Variants in PREX1 observed in about 807,000 individuals in gnomAD.
PREX1 encodes the protein phosphatidylinositol 3,4,5-trisphosphate-dependent Rac exchanger 1 protein.
In PREX1, 41 loss-of-function variants were observed where a neutral mutation model predicts 198.3. That is an observed-to-expected ratio of 0.21 (90% CI 0.16 to 0.27). The LOEUF is 0.27. Ranked by LOEUF, PREX1 falls within the 10% of genes least tolerant of loss-of-function variation. The pLI, the probability that PREX1 is intolerant of heterozygous loss-of-function variation, is 1.00. For synonymous variants in PREX1, 843 were observed against 887.2 expected, an observed-to-expected ratio of 0.95 and a Z score of 0.89; for missense variants, 1,620 against 2,200.7, an observed-to-expected ratio of 0.74 and a Z score of 5.28.
the PREX1 span, among the ~76,000 whole-genome samples, chr20:48,869,322 G>A: frequency 1.7e-4 from 25 of 145,836 alleles, no homozygotes; most frequent in Non-Finnish European, 2.7e-4. Flanking sequence ...TTTTTTAGAC[G>A]GGGTCTCACT....
intron 25 of PREX1, among the ~76,000 whole-genome samples, chr20:48,647,244 T>C (rs2089458345): frequency 6.6e-6 from 1 of 152,020 alleles, no homozygotes; most frequent in African/African-American, 2.4e-5. Flanking sequence ...GTGTCTCTGC[T>C]AGGCGTGGTG....
chr20:48,746,005 A>T (rs546536065), intron 2 of PREX1, among the ~76,000 whole-genome samples: 33 of 152,230 alleles, frequency 2.2e-4, no homozygotes, highest in Middle Eastern at 3.4e-3. Context: ...TGTATTTTTT[A>T]AATTATTATT....
chr20:48,748,822 GTGT>G (rs1448888534), intron 1 of PREX1, among the ~76,000 whole-genome samples: 1 of 152,224 alleles, frequency 6.6e-6, no homozygotes. Context: ...TCGGATTTGG[GTGT>G]TGTTGTGGTT....
Position 48,659,262 on chromosome 20 carries a change from A to G in PREX1, c.1881+657T>C, listed in dbSNP as rs73142202. Among the ~76,000 whole-genome samples, 871 of 134,340 alleles carry G rather than the reference A, an allele frequency of 6.5e-3. 14 individuals carry two copies. Among genetic ancestry groups the G allele is most frequent in the Middle Eastern group, 0.029 (7 of 244 alleles). The allele number at this position is 134,340 out of a possible 152,430, so 88.1% of individuals were successfully genotyped here. A position where few individuals can be genotyped will look rare whatever the true frequency, so the allele number is the denominator to read the frequency against. On this transcript the variant is annotated intron_variant, in intron 16 of 39. Transcript: ENST00000371941. ...GAAGGAAGGAAGGAAGGAAGGAAGG[A>G]CGGGCACGAGAGAGAGAGAGAAAGA...
At chr20:48,812,653 C>T (rs1395199861) in intron 1 of PREX1, among the ~76,000 whole-genome samples, 1 of 152,106 alleles carries the variant, frequency 6.6e-6, no homozygotes, top group East Asian at 1.9e-4. Context: ...CCTAATTCAC[C>T]TAATTCCCCC....
intron 1 of PREX1, among the ~76,000 whole-genome samples, chr20:48,761,980 C>A (rs898618256): frequency 5.9e-5 from 9 of 152,192 alleles, no homozygotes; most frequent in Non-Finnish European, 1.2e-4. Context: ...TCACCTTCAC[C>A]CAGGACAAGT....
intron 19 of PREX1, among the ~76,000 whole-genome samples, chr20:48,655,012 G>A (rs55968855): frequency 0.17 from 25,257 of 152,182 alleles, 2,323 homozygotes; most frequent in Middle Eastern, 0.3. Flanking sequence ...CTCCAGCTGA[G>A]GAGCCACTGC....
intron 1 of PREX1, among the ~76,000 whole-genome samples, chr20:48,775,375 A>G (rs1332535376): frequency 6.6e-6 from 1 of 152,052 alleles, no homozygotes; most frequent in Non-Finnish European, 1.5e-5. Context: ...AGCCTCCCTG[A>G]TAAGAACACG....
intron 4 of PREX1, among the ~76,000 whole-genome samples, chr20:48,729,274 G>A (rs908391834): frequency 3.9e-5 from 6 of 152,002 alleles, no homozygotes; most frequent in Admixed American, 3.9e-4. Context: ...ACAGGGTTTT[G>A]CCATGTCATC....
chr20:48,733,705 C>CTATTGTTGT, intron 4 of PREX1, among the ~76,000 whole-genome samples: 2 of 151,198 alleles, frequency 1.3e-5, no homozygotes, highest in South Asian at 4.2e-4. Context: ...GTTGTTGTTG[C>CTATTGTTGT]TGTTGTTGTT....
intron 1 of PREX1, among the ~76,000 whole-genome samples, chr20:48,759,393 T>C (rs2090168919): frequency 6.6e-6 from 1 of 151,388 alleles, no homozygotes. Flanking sequence ...CTACAAAAAA[T>C]ACAAAAATTA....
chr20:48,727,780 G>C (rs1419829068), intron 4 of PREX1, among the ~76,000 whole-genome samples: 1 of 152,126 alleles, frequency 6.6e-6, no homozygotes, highest in African/African-American at 2.4e-5. Flanking sequence ...CACCCAACCT[G>C]CTCTCAATTC....
At chr20:48,767,911 G>C (rs562817649) in intron 1 of PREX1, among the ~76,000 whole-genome samples, 2 of 152,104 alleles carry the variant, frequency 1.3e-5, no homozygotes, top group East Asian at 1.9e-4. Flanking sequence ...CCTCTACCTC[G>C]ATAATCTGTT....
intron 3 of PREX1, among the ~76,000 whole-genome samples, chr20:48,738,114 AG>A (rs1317757132): frequency 4.6e-5 from 7 of 152,316 alleles, no homozygotes; most frequent in Non-Finnish European, 8.8e-5. Context: ...GATGAAGGGA[AG>A]GGACTGGGCC....
intron 14 of PREX1, among the ~76,000 whole-genome samples, chr20:48,671,106 C>T (rs1165472132): frequency 2.0e-5 from 3 of 152,264 alleles, no homozygotes; most frequent in African/African-American, 7.2e-5. Context: ...AAATGAATCC[C>T]GAGGAATTCT....
intron 1 of PREX1, among the ~76,000 whole-genome samples, chr20:48,796,871 C>T (rs1448193422): frequency 6.6e-6 from 1 of 151,486 alleles, no homozygotes; most frequent in Non-Finnish European, 1.5e-5. Flanking sequence ...TATATAATTC[C>T]ATTTTACATA....
At chr20:48,880,348 G>A in the PREX1 span, among the ~76,000 whole-genome samples, 4 of 152,234 alleles carry the variant, frequency 2.6e-5, no homozygotes, top group African/African-American at 9.6e-5. Flanking sequence ...GAATAACAGT[G>A]GCATAAACAC....
At chr20:48,704,541 T>TTTCC (rs1248774359) in intron 6 of PREX1, among the ~76,000 whole-genome samples, 3 of 150,530 alleles carry the variant, frequency 2.0e-5, no homozygotes, top group Admixed American at 1.3e-4. Context: ...CCTTCCTTCC[T>TTTCC]TTCCTTCCTT....
chr20:48,886,057 G>A, the PREX1 span, among the ~76,000 whole-genome samples: 116 of 152,276 alleles, frequency 7.6e-4, no homozygotes, highest in African/African-American at 2.6e-3. Context: ...TATGGACTCC[G>A]GGGGATAATG....
Sources: gnomAD v4.1 joint callset for allele counts (sites outside exome capture counted in the v4.1 genomes callset) on GRCh38, gnomAD v4.1.1 for gene constraint, MANE v1.5 for transcripts, NCBI Gene and HGNC (gene_info 2026-07-23, HGNC 2026-07-21) for gene names.